The following STXBP5L variants were observed in gnomAD, a reference collection of about 807,000 sequenced individuals.
STXBP5L encodes the protein syntaxin binding protein 5L.
In STXBP5L, 65 loss-of-function variants were observed where a neutral mutation model predicts 144.5. The observed-to-expected ratio is 0.45, with a 90% CI of 0.37 to 0.55. The LOEUF (loss-of-function observed/expected upper bound fraction) is 0.55. Among genes scored for constraint, STXBP5L ranks in the 20% least tolerant of loss-of-function variants. The pLI is 0.00. For missense variants in STXBP5L, 1,298 were observed against 1,405.5 expected (o/e 0.92, Z 1.22); for synonymous variants, 505 against 469.6 (o/e 1.08, Z -0.97).
chr3:121,362,434 C>A (rs866451259), intron 20 of STXBP5L, among the ~76,000 whole-genome samples: 1 of 152,144 alleles, frequency 6.6e-6, no homozygotes, highest in Non-Finnish European at 1.5e-5. Context: ...CCAGGGCTGG[C>A]ACTCAAAACA....
At chr3:121,208,914 C>A (rs568500680) in intron 10 of STXBP5L, among the ~76,000 whole-genome samples, 1 of 152,060 alleles carries the variant, frequency 6.6e-6, no homozygotes, top group African/African-American at 2.4e-5. Context: ...CCCCTAGCCT[C>A]CCAACCCCCA....
intron 9 of STXBP5L, among the ~76,000 whole-genome samples, chr3:121,189,803 C>G (rs1197353760): frequency 6.6e-6 from 1 of 151,654 alleles, no homozygotes; most frequent in Non-Finnish European, 1.5e-5. Context: ...ACTCATTTTT[C>G]CATAATGAAT....
intron 3 of STXBP5L, among the ~76,000 whole-genome samples, chr3:121,007,646 G>T (rs1408726143): frequency 2.0e-5 from 3 of 151,940 alleles, no homozygotes; most frequent in Admixed American, 6.6e-5. Flanking sequence ...ACAGGATGAG[G>T]GTGGGATATT....
chr3:121,342,894 T>C (rs370436648), intron 20 of STXBP5L, among the ~76,000 whole-genome samples: 13 of 150,000 alleles, frequency 8.7e-5, no homozygotes, highest in Non-Finnish European at 1.3e-4. Context: ...ATGGTATTTC[T>C]AGTTCTAGAT....
chr3:121,352,935 A>G (rs2045353268), intron 20 of STXBP5L, among the ~76,000 whole-genome samples: 1 of 152,134 alleles, frequency 6.6e-6, no homozygotes, highest in Non-Finnish European at 1.5e-5. Flanking sequence ...ATCTATTGAG[A>G]TAATCATGTG....
In STXBP5L at chr3:121,293,121, G is replaced by T. The variant is rs149734515; in HGVS notation, c.2110+13165G>T. The stretch of plus-strand genomic sequence containing the variant: ...AATTCTGGCAAATCCAAACAATGGT[G>T]CTCTGCTCCGCAATAAAAAAGAATA... On this transcript the variant is annotated intron_variant, in intron 19 of 26. Transcript: ENST00000471454. 3.1e-3 allele frequency among the ~76,000 whole-genome samples: 466 copies of T among 152,282 alleles called. 5 individuals carry two copies. Among genetic ancestry groups the T allele is most frequent in the African/African-American group, 0.011 (449 of 41,560 alleles).
rs987723386 is a variant in STXBP5L, at chr3:121,041,749, G to C, written c.337G>C (p.Ala113Pro). Residue 113 changes from alanine (A) to proline (P), a missense_variant, in exon 4 of 27, where the codon GCT becomes CCT. By Grantham distance (27) the Ala-to-Pro change is conservative (BLOSUM62 -1). Transcript: ENST00000471454. ...DCYCQHESGAAVLQLQFLINE... is the reference protein window; with the variant it reads ...DCYCQHESGAPVLQLQFLINE... ...CTATTGCCAACATGAAAGTGGTGCA[G>C]CTGTCCTACAGCTCCAATTTTTGAT... is the stretch of plus-strand genomic sequence containing the variant. 3.1e-6 allele frequency: 5 copies of C among 1,612,712 alleles called. No individual in the cohort carries two copies. The highest frequency in any genetic ancestry group is 4.2e-6 in the Non-Finnish European group (5 of 1,179,164).
At chr3:121,057,906 A>G (rs965025299) in intron 5 of STXBP5L, among the ~76,000 whole-genome samples, 18 of 151,896 alleles carry the variant, frequency 1.2e-4, no homozygotes, top group Non-Finnish European at 2.9e-5. Context: ...CTGACTCATC[A>G]TATTGTTTTC....
At chr3:120,991,681 G>C (rs1307511973) in intron 3 of STXBP5L, among the ~76,000 whole-genome samples, 2 of 151,924 alleles carry the variant, frequency 1.3e-5, no homozygotes, top group Non-Finnish European at 2.9e-5. Context: ...GTCCTTTGTA[G>C]GGACGTGGTT....
chr3:121,393,092 T>A (rs961679399), intron 22 of STXBP5L, among the ~76,000 whole-genome samples: 1 of 151,972 alleles, frequency 6.6e-6, no homozygotes, highest in Non-Finnish European at 1.5e-5. Context: ...TGCCAAAGTC[T>A]ATTTTTTTAT....
intron 5 of STXBP5L, among the ~76,000 whole-genome samples, chr3:121,063,981 A>C (rs1373639191): frequency 6.6e-6 from 1 of 152,098 alleles, no homozygotes; most frequent in African/African-American, 2.4e-5. Flanking sequence ...GCTTCAGCCC[A>C]CTTTCCAGGG....
intron 7 of STXBP5L, among the ~76,000 whole-genome samples, chr3:121,141,169 C>T (rs939924527): frequency 2.0e-5 from 3 of 152,054 alleles, no homozygotes; most frequent in Admixed American, 1.3e-4. Context: ...CTTGTGAGGC[C>T]AAGCCAGGCA....
intron 3 of STXBP5L, among the ~76,000 whole-genome samples, chr3:121,010,274 C>T (rs1944674193): frequency 6.6e-6 from 1 of 151,758 alleles, no homozygotes; most frequent in African/African-American, 2.4e-5. Flanking sequence ...ATCACTACTA[C>T]ACATAGTTGT....
intron 6 of STXBP5L, among the ~76,000 whole-genome samples, chr3:121,116,383 A>T (rs2044229911): frequency 6.6e-6 from 1 of 151,914 alleles, no homozygotes. Flanking sequence ...TACTAGTTAT[A>T]CTCTTGTCAT....
chr3:121,305,407 C>T (rs1380229304), intron 19 of STXBP5L, among the ~76,000 whole-genome samples: 1 of 151,966 alleles, frequency 6.6e-6, no homozygotes, highest in Non-Finnish European at 1.5e-5. Flanking sequence ...ATGCAAAAAT[C>T]AGATATAAAA....
At chr3:121,237,065 T>C (rs898765275) in intron 12 of STXBP5L, among the ~76,000 whole-genome samples, 6 of 152,248 alleles carry the variant, frequency 3.9e-5, no homozygotes, top group African/African-American at 1.4e-4. Flanking sequence ...GTTTTTGCTG[T>C]GCACAGCCCA....
At chr3:121,104,223 C>T (rs2043577217) in intron 5 of STXBP5L, among the ~76,000 whole-genome samples, 1 of 151,836 alleles carries the variant, frequency 6.6e-6, no homozygotes, top group Admixed American at 6.6e-5. Context: ...AAATAATATC[C>T]TGACAAAAGA....
At chr3:121,312,887 G>A (rs1042629381) in intron 19 of STXBP5L, among the ~76,000 whole-genome samples, 4 of 152,128 alleles carry the variant, frequency 2.6e-5, no homozygotes, top group East Asian at 1.9e-4. Flanking sequence ...GTAAACATCC[G>A]ATTTCTCAAT....
At chr3:120,928,817 G>T (rs373682445) in intron 2 of STXBP5L, among the ~76,000 whole-genome samples, 1 of 152,036 alleles carries the variant, frequency 6.6e-6, no homozygotes, top group Non-Finnish European at 1.5e-5. Flanking sequence ...TGCAGGCAAT[G>T]ATTATTGATT....
Sources: gnomAD v4.1 joint callset for allele counts (sites outside exome capture counted in the v4.1 genomes callset) on GRCh38, gnomAD v4.1.1 for gene constraint, MANE v1.5 for transcripts, NCBI Gene and HGNC (gene_info 2026-07-23, HGNC 2026-07-21) for gene names.